CTNNA3: variants seen among roughly 807,000 people sequenced by gnomAD.
CTNNA3 encodes the protein catenin alpha-3.
In CTNNA3, 76 loss-of-function variants were observed where a neutral mutation model predicts 95.7. The observed-to-expected ratio is 0.79, with a 90% CI of 0.66 to 0.96. The LOEUF is 0.96. Among genes scored for constraint, CTNNA3 ranks in the 40% least tolerant of loss-of-function variants. CTNNA3 has a pLI of 0.00. For synonymous variants in CTNNA3, 431 were observed against 374.4 expected, an observed-to-expected ratio of 1.15 and a Z score of -1.74; for missense variants, 1,191 against 1,089.8, an observed-to-expected ratio of 1.09 and a Z score of -1.31.
chr10:66,752,818 T>C (rs1839202357), intron 9 of CTNNA3, among the ~76,000 whole-genome samples: 1 of 152,026 alleles, frequency 6.6e-6, no homozygotes, highest in East Asian at 1.9e-4. Context: ...GACATGATCT[T>C]GTATATAGAA....
At chr10:65,969,887 A>C (rs2078058953) in intron 16 of CTNNA3, among the ~76,000 whole-genome samples, 1 of 152,124 alleles carries the variant, frequency 6.6e-6, no homozygotes, top group African/African-American at 2.4e-5. Context: ...ATTTTGCTAG[A>C]GAGGTAGACA....
intron 5 of CTNNA3, among the ~76,000 whole-genome samples, chr10:67,296,133 A>G (rs983852956): frequency 1.3e-5 from 2 of 152,222 alleles, no homozygotes; most frequent in African/African-American, 4.8e-5. Context: ...CAAAATTTAT[A>G]TTATCTCAGC....
rs1199421187 is a variant in CTNNA3, at chr10:66,371,921, T to C, written c.1732+7231A>G. On this transcript the variant is annotated intron_variant, in intron 12 of 17. Coordinates refer to ENST00000433211, the MANE Select transcript of CTNNA3 (RefSeq NM_013266.4). ...GCAAAAGCAGGGATATTTTATGATT[T>C]ATTCCAGTGGTAGAACCATCTGAAA... Among the ~76,000 whole-genome samples, 3 of 152,184 alleles carry C rather than the reference T, an allele frequency of 2.0e-5. No individual in the cohort carries two copies. In the East Asian group the frequency reaches 5.8e-4, roughly 29 times the overall value.
chr10:66,920,301 C>T (rs1309710596), intron 7 of CTNNA3, among the ~76,000 whole-genome samples: 3 of 152,196 alleles, frequency 2.0e-5, no homozygotes, highest in Admixed American at 6.5e-5. Context: ...TCCCATTTTG[C>T]AGATGAGCAA....
intron 7 of CTNNA3, among the ~76,000 whole-genome samples, chr10:67,064,665 T>C (rs945928211): frequency 2.6e-5 from 4 of 152,138 alleles, no homozygotes; most frequent in Non-Finnish European, 5.9e-5. Flanking sequence ...TAAGGGTTTG[T>C]TTTGCTAAGT....
chr10:66,533,104 T>C (rs1030927871), intron 10 of CTNNA3, among the ~76,000 whole-genome samples: 2 of 152,286 alleles, frequency 1.3e-5, no homozygotes, highest in Middle Eastern at 3.4e-3. Context: ...TCCTCTTTTA[T>C]CATAGGATCA....
chr10:66,885,357 T>C (rs1845004706), intron 7 of CTNNA3, among the ~76,000 whole-genome samples: 1 of 152,158 alleles, frequency 6.6e-6, no homozygotes, highest in African/African-American at 2.4e-5. Flanking sequence ...CTAAGAGTTA[T>C]ATGTAATATC....
intron 7 of CTNNA3, among the ~76,000 whole-genome samples, chr10:67,008,828 G>A (rs1852159860): frequency 6.6e-6 from 1 of 152,046 alleles, no homozygotes; most frequent in African/African-American, 2.4e-5. Context: ...TTAAGTCTTT[G>A]TTTACCTTAT....
At chr10:66,747,342 G>A (rs72802608) in intron 9 of CTNNA3, among the ~76,000 whole-genome samples, 11,843 of 152,168 alleles carry the variant, frequency 0.078, 707 homozygotes, top group East Asian at 0.23. Context: ...AAGACTAAAT[G>A]GTTAATAGCA....
intron 10 of CTNNA3, among the ~76,000 whole-genome samples, chr10:66,586,332 T>C (rs61867495): frequency 0.31 from 46,906 of 151,972 alleles, 7,593 homozygotes; most frequent in Middle Eastern, 0.46. Context: ...AAGTCCCAGC[T>C]TTGACAGAGG....
intron 12 of CTNNA3, among the ~76,000 whole-genome samples, chr10:66,313,634 T>C (rs994353750): frequency 6.6e-6 from 1 of 152,206 alleles, no homozygotes; most frequent in African/African-American, 2.4e-5. Flanking sequence ...ACTGTTTGCA[T>C]GAGTAGCAAC....
chr10:66,563,417 A>G (rs1217498838), intron 10 of CTNNA3, among the ~76,000 whole-genome samples: 1 of 152,130 alleles, frequency 6.6e-6, no homozygotes. Context: ...CTTTGCTGAA[A>G]ATATGCTGTC....
At chr10:67,601,149 GT>G (rs1843071535) in intron 3 of CTNNA3, among the ~76,000 whole-genome samples, 1 of 152,252 alleles carries the variant, frequency 6.6e-6, no homozygotes, top group East Asian at 1.9e-4. Context: ...GCACTTTTCT[GT>G]ATATATGTTA....
intron 6 of CTNNA3, among the ~76,000 whole-genome samples, chr10:67,198,852 G>C (rs1429354048): frequency 1.3e-5 from 2 of 152,128 alleles, no homozygotes; most frequent in East Asian, 3.9e-4. Context: ...CATTCCTTCT[G>C]CTATGCTTTG....
At chr10:67,475,590 G>A (rs562939373) in intron 5 of CTNNA3, among the ~76,000 whole-genome samples, 1 of 152,112 alleles carries the variant, frequency 6.6e-6, no homozygotes, top group South Asian at 2.1e-4. Context: ...TAAAAAGCAT[G>A]GATATATAGA....
chr10:67,626,510 T>C (rs73270110), intron 2 of CTNNA3, among the ~76,000 whole-genome samples: 15 of 152,288 alleles, frequency 9.8e-5, no homozygotes, highest in African/African-American at 3.4e-4. Flanking sequence ...TTTAAAAAAA[T>C]AAAGTTTACT....
intron 11 of CTNNA3, among the ~76,000 whole-genome samples, chr10:66,417,211 A>G (rs2093154260): frequency 1.3e-5 from 2 of 152,040 alleles, no homozygotes; most frequent in Admixed American, 6.5e-5. Flanking sequence ...TTTAACTCTA[A>G]CAGAATTCAA....
chr10:66,341,518 C>T (rs545755677), intron 12 of CTNNA3, among the ~76,000 whole-genome samples: 2 of 151,924 alleles, frequency 1.3e-5, no homozygotes, highest in African/African-American at 2.4e-5. Flanking sequence ...GCCTCCTAGG[C>T]TGTATATCTT....
At chr10:66,515,687 C>T (rs1403616146) in intron 11 of CTNNA3, among the ~76,000 whole-genome samples, 1 of 152,028 alleles carries the variant, frequency 6.6e-6, no homozygotes, top group Non-Finnish European at 1.5e-5. Flanking sequence ...GAAGGGGAAG[C>T]AAACACATCC....
Sources: allele counts gnomAD v4.1 joint callset (sites outside exome capture counted in the v4.1 genomes callset), GRCh38; gene constraint gnomAD v4.1.1; transcripts MANE v1.5; gene names NCBI Gene and HGNC (gene_info 2026-07-23, HGNC 2026-07-21).